The following IL1RAPL2 variants were observed in gnomAD, a reference collection of about 807,000 sequenced individuals.
The protein encoded by IL1RAPL2 is X-linked interleukin-1 receptor accessory protein-like 2.
IL1RAPL2 carries 3 observed loss-of-function variants against 44.1 expected under a neutral mutation model. The observed-to-expected ratio is 0.07, with a 90% CI of 0.03 to 0.18. IL1RAPL2 has a LOEUF of 0.18. Among genes scored for constraint, IL1RAPL2 ranks in the 10% least tolerant of loss-of-function variants. The probability of loss-of-function intolerance (pLI) is 1.00; values close to 1 mark genes in which losing one functional copy is unlikely to be tolerated. For synonymous variants in IL1RAPL2, 181 were observed against 178.8 expected (o/e 1.01, Z -0.10); for missense variants, 391 against 496.4 (o/e 0.79, Z 2.02).
intron 2 of IL1RAPL2, among the ~76,000 whole-genome samples, chrX:104,676,710 C>A (rs1327551566): frequency 1.8e-5 from 2 of 111,979 alleles, no homozygotes; most frequent in Admixed American, 9.4e-5. Context: ...AACTTGGTTC[C>A]ATTCTCCCCG....
intron 5 of IL1RAPL2, among the ~76,000 whole-genome samples, chrX:105,305,243 C>A (rs770837295): frequency 2.7e-5 from 3 of 110,924 alleles, no homozygotes; most frequent in African/African-American, 9.8e-5. Context: ...TGAATAAGTT[C>A]TAGAGATCTG....
At chrX:105,077,702 G>A (rs368670754) in intron 2 of IL1RAPL2, among the ~76,000 whole-genome samples, 6 of 111,294 alleles carry the variant, frequency 5.4e-5, no homozygotes, top group East Asian at 2.8e-4. Context: ...AGATTTGGTC[G>A]TTTCACATAG....
At chrX:105,731,135 C>T (rs1172454481) in intron 7 of IL1RAPL2, among the ~76,000 whole-genome samples, 1 of 110,196 alleles carries the variant, frequency 9.1e-6, no homozygotes, top group African/African-American at 3.3e-5. Context: ...GCTAGACTAA[C>T]CAAGAATAAA....
intron 2 of IL1RAPL2, among the ~76,000 whole-genome samples, chrX:104,898,953 T>A (rs994008427): frequency 8.9e-5 from 10 of 112,437 alleles, no homozygotes; most frequent in African/African-American, 3.2e-4. Flanking sequence ...TACTTTTTAC[T>A]GCAAATATTT....
intron 6 of IL1RAPL2, among the ~76,000 whole-genome samples, chrX:105,566,255 A>T (rs776228699): frequency 9.0e-6 from 1 of 111,496 alleles, no homozygotes; most frequent in South Asian, 3.8e-4. Context: ...AGTGTGTGTG[A>T]GAGAGAGTCT....
At chrX:104,595,140 C>T (rs188784230) in intron 1 of IL1RAPL2, among the ~76,000 whole-genome samples, 5 of 111,241 alleles carry the variant, frequency 4.5e-5, no homozygotes, top group Non-Finnish European at 7.5e-5. Flanking sequence ...CTGCAGTGGT[C>T]CAGGAGAGAG....
chrX:105,729,015 G>GTATA (rs2038376930), intron 7 of IL1RAPL2, among the ~76,000 whole-genome samples: 1 of 110,821 alleles, frequency 9.0e-6, no homozygotes, highest in Non-Finnish European at 1.9e-5. Flanking sequence ...CTTTCACTTA[G>GTATA]TATATGCATT....
At chrX:105,496,788 T>C (rs184329389) in intron 6 of IL1RAPL2, among the ~76,000 whole-genome samples, 29 of 111,895 alleles carry the variant, frequency 2.6e-4, no homozygotes, top group African/African-American at 8.4e-4. Flanking sequence ...TATGTACACA[T>C]ATGACTGCTA....
intron 2 of IL1RAPL2, among the ~76,000 whole-genome samples, chrX:105,156,731 C>T (rs1302305331): frequency 8.9e-6 from 1 of 111,778 alleles, no homozygotes; most frequent in East Asian, 2.8e-4. Flanking sequence ...TTTATGATCC[C>T]AATATTATAA....
At chrX:104,588,735 A>T (rs1199996206) in intron 1 of IL1RAPL2, among the ~76,000 whole-genome samples, 4 of 112,057 alleles carry the variant, frequency 3.6e-5, no homozygotes, top group African/African-American at 1.3e-4. Flanking sequence ...ACAGATCTCT[A>T]TATTTCTTAA....
intron 2 of IL1RAPL2, among the ~76,000 whole-genome samples, chrX:105,040,493 T>C (rs1188389707): frequency 4.5e-5 from 5 of 111,250 alleles, no homozygotes. Context: ...AGAATTTGGC[T>C]GTGAATCCAT....
At chrX:105,171,175 A>G (rs1175752969) in intron 2 of IL1RAPL2, among the ~76,000 whole-genome samples, 1 of 111,867 alleles carries the variant, frequency 8.9e-6, no homozygotes, top group Non-Finnish European at 1.9e-5. Flanking sequence ...TTTTGGTCTC[A>G]AAATTGAAAG....
intron 9 of IL1RAPL2, among the ~76,000 whole-genome samples, chrX:105,754,744 C>T (rs2038623172): frequency 8.9e-6 from 1 of 112,204 alleles, no homozygotes; most frequent in Non-Finnish European, 1.9e-5. Context: ...CACTCTAGGG[C>T]CCAGCCCCTG....
intron 6 of IL1RAPL2, among the ~76,000 whole-genome samples, chrX:105,516,442 T>C (rs772874239): frequency 2.3e-4 from 26 of 111,844 alleles, no homozygotes; most frequent in Non-Finnish European, 4.5e-4. Flanking sequence ...AAATCAGGTG[T>C]CATCCAGGTA....
rs1569470502 is a variant in IL1RAPL2 at position 105,738,684 on chromosome X, A to T, written c.903-1862A>T. Reference sequence around the variant, plus strand: ...GAAAGAAAAGAGAAGTTGACAGGGTACCCATTTTCATCTCACCCAGAAGGT... The same window carrying T: ...GAAAGAAAAGAGAAGTTGACAGGGTTCCCATTTTCATCTCACCCAGAAGGT... On this transcript the variant is annotated intron_variant, in intron 7 of 10. Coordinates refer to ENST00000372582, the MANE Select transcript of IL1RAPL2 (RefSeq NM_017416.2). Among the ~76,000 whole-genome samples, 3 of 111,307 alleles carry T rather than the reference A, an allele frequency of 2.7e-5. No homozygotes were observed. In the East Asian group the frequency reaches 8.6e-4, roughly 32 times the overall value.
intron 2 of IL1RAPL2, among the ~76,000 whole-genome samples, chrX:104,893,730 C>T (rs1271309256): frequency 1.8e-5 from 2 of 111,738 alleles, no homozygotes; most frequent in African/African-American, 6.5e-5. Flanking sequence ...TGGGTCTTGA[C>T]TCTTTATCCA....
At chrX:104,739,060 T>TA (rs1405501568) in intron 2 of IL1RAPL2, among the ~76,000 whole-genome samples, 1 of 111,460 alleles carries the variant, frequency 9.0e-6, no homozygotes, top group Non-Finnish European at 1.9e-5. Context: ...AGCAATGATA[T>TA]AACCAAGGGA....
chrX:105,672,976 C>G (rs1031608458), intron 6 of IL1RAPL2, among the ~76,000 whole-genome samples: 1 of 111,061 alleles, frequency 9.0e-6, no homozygotes, highest in African/African-American at 3.3e-5. Context: ...AAAGAAGACC[C>G]AGGGACCTAA....
intron 6 of IL1RAPL2, among the ~76,000 whole-genome samples, chrX:105,645,975 T>C (rs1167922823): frequency 9.0e-6 from 1 of 111,384 alleles, no homozygotes; most frequent in Non-Finnish European, 1.9e-5. Flanking sequence ...ACTTCAAGTT[T>C]CCCAGACACC....
Sources: gnomAD v4.1 joint callset for allele counts (sites outside exome capture counted in the v4.1 genomes callset) on GRCh38, gnomAD v4.1.1 for gene constraint, MANE v1.5 for transcripts, NCBI Gene and HGNC (gene_info 2026-07-23, HGNC 2026-07-21) for gene names.